COG6: variants seen among roughly 807,000 people sequenced by gnomAD.
COG6 encodes the protein component of oligomeric golgi complex 6, also known as conserved oligomeric Golgi complex subunit 6.
In COG6, 74 loss-of-function variants were observed where a neutral mutation model predicts 88.8. The observed-to-expected ratio is 0.83, with a 90% CI of 0.69 to 1.01. The LOEUF is 1.01. Ranked by LOEUF, COG6 falls within the 50% of genes least tolerant of loss-of-function variation. The pLI, the probability that COG6 is intolerant of heterozygous loss-of-function variation, is 0.00. For missense variants in COG6, 800 were observed against 797.9 expected (o/e 1.00, Z -0.03); for synonymous variants, 286 against 278.7 (o/e 1.03, Z -0.26).
chr13:39,703,915 G>A (rs1455883136), intron 13 of COG6, among the ~76,000 whole-genome samples: 2 of 146,268 alleles, frequency 1.4e-5, no homozygotes, highest in African/African-American at 2.5e-5. Flanking sequence ...TTTTTTTTCT[G>A]TAGAGACATG....
At chr13:39,761,227 T>G (rs1163470893) in intron 18 of COG6, among the ~76,000 whole-genome samples, 1 of 152,060 alleles carries the variant, frequency 6.6e-6, no homozygotes, top group Non-Finnish European at 1.5e-5. Context: ...AAAACTTTGG[T>G]GTTTATTCCT....
At chr13:39,684,666 T>C (rs1566178636) in intron 8 of COG6, among the ~76,000 whole-genome samples, 1 of 152,188 alleles carries the variant, frequency 6.6e-6, no homozygotes, top group African/African-American at 2.4e-5. Context: ...CATTAAGTAA[T>C]TATTTTCAAA....
chr13:39,784,734 A>T (rs1881723305), intron 18 of COG6, among the ~76,000 whole-genome samples: 1 of 152,192 alleles, frequency 6.6e-6, no homozygotes, highest in Non-Finnish European at 1.5e-5. Flanking sequence ...GAGAACAGTG[A>T]AGTCCTTCAA....
At chr13:39,738,110 A>G (rs1879859649) in intron 18 of COG6, among the ~76,000 whole-genome samples, 1 of 152,176 alleles carries the variant, frequency 6.6e-6, no homozygotes, top group African/African-American at 2.4e-5. Flanking sequence ...ATATGATGTT[A>G]AAACCAAGTA....
At chr13:39,715,399 ACTC>A (rs893001367) in intron 13 of COG6, among the ~76,000 whole-genome samples, 3 of 151,884 alleles carry the variant, frequency 2.0e-5, no homozygotes, top group Non-Finnish European at 4.4e-5. Context: ...CTAGAGCTGT[ACTC>A]CTCATCTAGC....
At chr13:39,687,077 G>A (rs920203182) in intron 8 of COG6, among the ~76,000 whole-genome samples, 1 of 151,980 alleles carries the variant, frequency 6.6e-6, no homozygotes, top group African/African-American at 2.4e-5. Context: ...AACTGTTATG[G>A]CTTTACGTAA....
intron 18 of COG6, among the ~76,000 whole-genome samples, chr13:39,737,205 T>G (rs557999402): frequency 9.9e-4 from 151 of 152,190 alleles, no homozygotes; most frequent in African/African-American, 3.2e-3. Context: ...GCCTCGGAGC[T>G]GGGGGAGTGG....
At chr13:39,699,719 G>A in intron 13 of COG6, 101 bp downstream of exon 13, 3 of 698,876 alleles carry the variant, frequency 4.3e-6, no homozygotes, top group East Asian at 5.4e-5. Flanking sequence ...ATTACATTCT[G>A]TGTTCTTTTG....
At chr13:39,692,476 T>C (rs763306418) in intron 11 of COG6, among the ~76,000 whole-genome samples, 3 of 152,044 alleles carry the variant, frequency 2.0e-5, no homozygotes, top group Admixed American at 6.6e-5. Flanking sequence ...AAAATAAAGC[T>C]GAATATTGTA....
At chr13:39,659,184 G>C (rs1874728494) in intron 1 of COG6, among the ~76,000 whole-genome samples, 180 bp from the exon 2 acceptor site, 1 of 152,116 alleles carries the variant, frequency 6.6e-6, no homozygotes, top group Admixed American at 6.5e-5. Flanking sequence ...ACACAAGTAA[G>C]TATACCCTTC....
chr13:39,743,678 A>G (rs1041460226), intron 18 of COG6, among the ~76,000 whole-genome samples: 1 of 152,214 alleles, frequency 6.6e-6, no homozygotes, highest in Non-Finnish European at 1.5e-5. Flanking sequence ...CCAGAGGTAC[A>G]AAGAGGAGCT....
intron 18 of COG6, among the ~76,000 whole-genome samples, chr13:39,759,936 T>C (rs1374949727): frequency 6.6e-6 from 1 of 152,198 alleles, no homozygotes; most frequent in African/African-American, 2.4e-5. Context: ...ATAGCATCTT[T>C]TGGCAAAGTG....
intron 13 of COG6, among the ~76,000 whole-genome samples, chr13:39,712,009 G>A (rs1878270149): frequency 6.6e-6 from 1 of 152,020 alleles, no homozygotes; most frequent in Non-Finnish European, 1.5e-5. Context: ...ACAGGTATGC[G>A]CCACCATGCC....
At position 39,687,888 on chromosome 13, in the gene COG6, TA is replaced by T. The variant is rs554486468; in HGVS notation, c.1009+90del. The T allele has an allele frequency of 5.7e-4, 495 of 867,316 alleles. 2 individuals carry two copies. In the African/African-American group the frequency reaches 7.8e-3, roughly 14 times the overall value. The allele number at this position is 867,316 out of a possible 1,614,324, so 53.7% of individuals were successfully genotyped here. A position where few individuals can be genotyped will look rare whatever the true frequency, so the allele number is the denominator to read the frequency against. On this transcript the variant is annotated intron_variant, in intron 10 of 18. Transcript: ENST00000455146. ...TGTTCTTGTTGCCATCTTCTTCACT[TA>T]GATAAACACCTTGATGGTACAATAA...
chr13:39,730,485 G>A (rs188385408), intron 18 of COG6, among the ~76,000 whole-genome samples: 28 of 151,842 alleles, frequency 1.8e-4, no homozygotes, highest in South Asian at 4.2e-4. Context: ...AAGATTTAAC[G>A]TCAGGCCGGG....
intron 7 of COG6, among the ~76,000 whole-genome samples, chr13:39,680,311 G>C (rs1368601944): frequency 6.6e-6 from 1 of 152,182 alleles, no homozygotes; most frequent in African/African-American, 2.4e-5. Flanking sequence ...CCAGCTATCA[G>C]CCAAGCAGTA....
chr13:39,692,285 T>C (rs1877024062), intron 11 of COG6, among the ~76,000 whole-genome samples: 1 of 152,016 alleles, frequency 6.6e-6, no homozygotes, highest in Non-Finnish European at 1.5e-5. Flanking sequence ...TATTAAATTT[T>C]TTTTTTAAGC....
intron 1 of COG6, chr13:39,656,287 G>A (rs1874490401): frequency 2.3e-6 from 1 of 439,398 alleles, no homozygotes. Flanking sequence ...TAGCGCAAAT[G>A]GGGGTCGGGA....
intron 18 of COG6, among the ~76,000 whole-genome samples, chr13:39,769,064 A>G (rs1479694066): frequency 6.6e-6 from 1 of 152,164 alleles, no homozygotes; most frequent in African/African-American, 2.4e-5. Context: ...GTGGAGTTGT[A>G]GTTCATTTAT....
Sources: allele counts gnomAD v4.1 joint callset (sites outside exome capture counted in the v4.1 genomes callset), GRCh38; gene constraint gnomAD v4.1.1; transcripts MANE v1.5; gene names NCBI Gene and HGNC (gene_info 2026-07-23, HGNC 2026-07-21).